Variants in RALYL observed in about 807,000 individuals in gnomAD.
The protein encoded by RALYL is RALY RNA binding protein like.
A neutral mutation model predicts 35.1 loss-of-function variants in RALYL; 29 were observed. The observed-to-expected ratio is 0.83, with a 90% CI of 0.61 to 1.13. The LOEUF (loss-of-function observed/expected upper bound fraction) is 1.13. Among genes scored for constraint, RALYL ranks in the 50% most tolerant of loss-of-function variants. The probability of loss-of-function intolerance (pLI) is 0.00; values close to 1 mark genes in which losing one functional copy is unlikely to be tolerated. For synonymous variants in RALYL, 120 were observed against 127.6 expected, an observed-to-expected ratio of 0.94 and a Z score of 0.40; for missense variants, 359 against 360.4, an observed-to-expected ratio of 1.00 and a Z score of 0.03.
chr8:84,457,077 C>A (rs931875442), intron 1 of RALYL, among the ~76,000 whole-genome samples: 13 of 151,870 alleles, frequency 8.6e-5, no homozygotes, highest in African/African-American at 3.1e-4. Context: ...AATTTTTTCC[C>A]CCTTTTCACA....
At chr8:84,480,109 T>G (rs7839325) in intron 1 of RALYL, among the ~76,000 whole-genome samples, 1 of 152,134 alleles carries the variant, frequency 6.6e-6, no homozygotes, top group African/African-American at 2.4e-5. Flanking sequence ...GACTCGTTAT[T>G]CTTATTGTGT....
intron 6 of RALYL, among the ~76,000 whole-genome samples, chr8:84,866,779 T>C (rs929344015): frequency 1.3e-5 from 2 of 152,094 alleles, no homozygotes; most frequent in Non-Finnish European, 2.9e-5. Flanking sequence ...TGTCAGTTAA[T>C]AAACTGAGGA....
intron 1 of RALYL, among the ~76,000 whole-genome samples, chr8:84,273,613 G>T (rs1834764399): frequency 2.0e-5 from 3 of 152,188 alleles, no homozygotes; most frequent in Admixed American, 2.0e-4. Context: ...GTACATGTCT[G>T]TCTTTATATG....
At chr8:84,692,125 A>G (rs1838184999) in intron 2 of RALYL, among the ~76,000 whole-genome samples, 1 of 151,972 alleles carries the variant, frequency 6.6e-6, no homozygotes, top group South Asian at 2.1e-4. Flanking sequence ...CATGAGTAAA[A>G]TCATGCTTAG....
chr8:84,523,402 A>T (rs1391885083), intron 1 of RALYL, among the ~76,000 whole-genome samples: 6 of 152,162 alleles, frequency 3.9e-5, no homozygotes, highest in African/African-American at 1.4e-4. Flanking sequence ...TCCCTCCCAT[A>T]ATACATACAG....
At chr8:84,670,319 T>C (rs570889179) in intron 2 of RALYL, among the ~76,000 whole-genome samples, 1 of 152,324 alleles carries the variant, frequency 6.6e-6, no homozygotes, top group East Asian at 1.9e-4. Flanking sequence ...TGCTGGACAT[T>C]CAACTCATAT....
At chr8:84,602,231 C>T (rs1217743780) in intron 2 of RALYL, among the ~76,000 whole-genome samples, 1 of 152,002 alleles carries the variant, frequency 6.6e-6, no homozygotes, top group Non-Finnish European at 1.5e-5. Flanking sequence ...TATCCAATAA[C>T]TGTTTTTCAT....
chr8:84,843,532 G>T (rs1833906601), intron 4 of RALYL, among the ~76,000 whole-genome samples: 1 of 152,102 alleles, frequency 6.6e-6, no homozygotes, highest in South Asian at 2.1e-4. Flanking sequence ...CGTGAAAATG[G>T]CCATACTGCC....
intron 1 of RALYL, among the ~76,000 whole-genome samples, chr8:84,417,375 A>C (rs542119792): frequency 1.3e-5 from 2 of 152,266 alleles, no homozygotes; most frequent in African/African-American, 4.8e-5. Context: ...TCTGAATCAG[A>C]ATCCTCAGTA....
intron 1 of RALYL, among the ~76,000 whole-genome samples, chr8:84,445,650 C>T (rs2048772125): frequency 6.6e-6 from 1 of 151,374 alleles, no homozygotes; most frequent in Non-Finnish European, 1.5e-5. Context: ...ATTTTGTTAT[C>T]AATAATGAAT....
At chr8:84,692,541 T>C (rs1024783063) in intron 2 of RALYL, among the ~76,000 whole-genome samples, 1 of 152,026 alleles carries the variant, frequency 6.6e-6, no homozygotes, top group Non-Finnish European at 1.5e-5. Flanking sequence ...CTAAATATCA[T>C]TTCTCACAAA....
At chr8:84,375,580 A>T (rs1856753996) in intron 1 of RALYL, among the ~76,000 whole-genome samples, 1 of 151,812 alleles carries the variant, frequency 6.6e-6, no homozygotes, top group Non-Finnish European at 1.5e-5. Flanking sequence ...CTATAGGAAG[A>T]ATTATTTGAT....
At chr8:84,285,278 T>C (rs2132135999) in intron 1 of RALYL, among the ~76,000 whole-genome samples, 1 of 152,228 alleles carries the variant, frequency 6.6e-6, no homozygotes, top group African/African-American at 2.4e-5. Flanking sequence ...CTTACTAGAG[T>C]TCAAAGATCT....
At chr8:84,462,408 T>C (rs1221279398) in intron 1 of RALYL, among the ~76,000 whole-genome samples, 1 of 151,308 alleles carries the variant, frequency 6.6e-6, no homozygotes, top group East Asian at 1.9e-4. Flanking sequence ...GTCCTCTGAA[T>C]TGTATTTCAA....
At chr8:84,501,173 C>G (rs192576803) in intron 1 of RALYL, among the ~76,000 whole-genome samples, 1 of 152,164 alleles carries the variant, frequency 6.6e-6, no homozygotes, top group Non-Finnish European at 1.5e-5. Context: ...TGCAGTTCAC[C>G]AGGAGGTAGT....
At chr8:84,506,813 T>C (rs2057206318) in intron 1 of RALYL, among the ~76,000 whole-genome samples, 1 of 152,010 alleles carries the variant, frequency 6.6e-6, no homozygotes, top group African/African-American at 2.4e-5. Context: ...TTTTTTTGAT[T>C]GACCCCTTTA....
intron 1 of RALYL, among the ~76,000 whole-genome samples, chr8:84,311,140 A>C (rs1842750058): frequency 7.1e-6 from 1 of 141,002 alleles, no homozygotes; most frequent in African/African-American, 2.6e-5. Flanking sequence ...TAATATGGTT[A>C]TTATGTATAA....
chr8:84,230,664 A>G (rs546748036), intron 1 of RALYL, among the ~76,000 whole-genome samples: 31 of 152,294 alleles, frequency 2.0e-4, no homozygotes, highest in African/African-American at 6.7e-4. Flanking sequence ...TATGGACACT[A>G]CTTGTTACTA....
intron 2 of RALYL, among the ~76,000 whole-genome samples, chr8:84,729,236 A>G (rs1845629102): frequency 6.6e-6 from 1 of 151,958 alleles, no homozygotes. Context: ...CTTTGAAGCA[A>G]TTGTGAATGG....
Sources: gnomAD v4.1 joint callset for allele counts (sites outside exome capture counted in the v4.1 genomes callset) on GRCh38, gnomAD v4.1.1 for gene constraint, MANE v1.5 for transcripts, NCBI Gene and HGNC (gene_info 2026-07-23, HGNC 2026-07-21) for gene names.